The following SLC44A1 variants were observed in gnomAD, a reference collection of about 807,000 sequenced individuals.
SLC44A1 encodes choline transporter-like protein 1.
In SLC44A1, 26 loss-of-function variants were observed where a neutral mutation model predicts 79.3. The observed-to-expected ratio is 0.33, with a 90% confidence interval of 0.24 to 0.46. SLC44A1 has a LOEUF of 0.46. Among genes scored for constraint, SLC44A1 ranks in the 20% least tolerant of loss-of-function variants. SLC44A1 has a pLI of 1.00. For synonymous variants in SLC44A1, 263 were observed against 286.2 expected (o/e 0.92, Z 0.82); for missense variants, 688 against 798.1 (o/e 0.86, Z 1.66).
At chr9:105,436,405 A>T (rs1238751819) in intron 15 of SLC44A1, among the ~76,000 whole-genome samples, 1 of 152,108 alleles carries the variant, frequency 6.6e-6, no homozygotes, top group Non-Finnish European at 1.5e-5. Flanking sequence ...TGAAACTGCA[A>T]GTCAAAGTAT....
At chr9:105,323,486 G>T (rs1306825044) in intron 3 of SLC44A1, among the ~76,000 whole-genome samples, 1 of 152,146 alleles carries the variant, frequency 6.6e-6, no homozygotes, top group African/African-American at 2.4e-5. Context: ...AATAATAGCA[G>T]TACTTCCTTG....
chr9:105,270,980 G>A (rs1830063607), intron 1 of SLC44A1, among the ~76,000 whole-genome samples: 1 of 152,220 alleles, frequency 6.6e-6, no homozygotes, highest in Non-Finnish European at 1.5e-5. Flanking sequence ...CTAGGGTTAA[G>A]TGCTTAATCT....
chr9:105,252,195 T>TGATA (rs1829604094), intron 1 of SLC44A1, among the ~76,000 whole-genome samples: 1 of 152,222 alleles, frequency 6.6e-6, no homozygotes, highest in Non-Finnish European at 1.5e-5. Flanking sequence ...AGAGGCCTTA[T>TGATA]GGCCTGCAAG....
Position 105,356,271 on chromosome 9 carries a change from T to G in SLC44A1, c.560T>G (p.Phe187Cys), listed in dbSNP as rs1013330634. ...GTGAACATTTCCTGCTATGCCAAGT[T>G]TGCAGAGGCCCTGATCACCTTTGTC... ...APVNISCYAK[F>C]AEALITFVSD... is the part of the protein sequence containing the mutation. Residue 187 changes from phenylalanine to cysteine, a missense_variant, in exon 6 of 16, where the codon TTT (phenylalanine) becomes TGT (cysteine). By Grantham distance (205) the Phe-to-Cys change is radical. Transcript: ENST00000374720. The G allele has an allele frequency of 3.1e-6, 5 of 1,613,764 alleles. No homozygotes were observed.
Position 105,393,374 on chromosome 9 carries a change from C to G in SLC44A1, c.*4318C>G, listed in dbSNP as rs1828809146. 1.0e-6 allele frequency: 1 copy of G among 985,044 alleles called. No individual in the cohort carries two copies. Among genetic ancestry groups the G allele is most frequent in the Non-Finnish European group, 1.2e-6 (1 of 829,712 alleles). The allele number at this position is 985,044 out of a possible 1,614,324, so 61.0% of individuals were successfully genotyped here. On this transcript the variant is annotated 3_prime_UTR_variant, in exon 16 of 16. Coordinates refer to ENST00000374720, the MANE Select transcript of SLC44A1 (RefSeq NM_080546.5). The stretch of plus-strand genomic sequence containing the variant: ...ACCCTTGAATATGCCAAGAGAAAAT[C>G]TAAAGCTAGCAAACTTAAAAAACAA...
At chr9:105,249,546 C>A (rs576177750) in intron 1 of SLC44A1, among the ~76,000 whole-genome samples, 1 of 148,848 alleles carries the variant, frequency 6.7e-6, no homozygotes, top group African/African-American at 2.5e-5. Context: ...TTTTTTGAGC[C>A]AGAGTTTGGC....
rs1829284041 is a variant in SLC44A1, at chr9:105,423,630, T to C, written c.1951-14651T>C. Among the ~76,000 whole-genome samples the C allele has an allele frequency of 2.0e-5, 3 of 152,204 alleles. No homozygotes were observed. The South Asian group carries it at 6.2e-4, about 31-fold the overall frequency. On this transcript the variant is annotated intron_variant, in intron 15 of 15. Coordinates refer to the SLC44A1 transcript ENST00000374724. ...GAATACCCAACAATAGAGAATCAGG[T>C]GAATGAATTATAATACATCTAAACC...
At chr9:105,370,852 T>C (rs1290816530) in intron 12 of SLC44A1, among the ~76,000 whole-genome samples, 2 of 152,150 alleles carry the variant, frequency 1.3e-5, no homozygotes, top group African/African-American at 4.8e-5. Context: ...TAGTACCTAG[T>C]TGATTTAAAT....
At chr9:105,311,619 C>A (rs1183147046) in intron 3 of SLC44A1, among the ~76,000 whole-genome samples, 1 of 152,158 alleles carries the variant, frequency 6.6e-6, no homozygotes, top group Admixed American at 6.5e-5. Context: ...GGTCACTATT[C>A]CCTGAATGTT....
intron 14 of SLC44A1, among the ~76,000 whole-genome samples, chr9:105,385,150 C>T (rs1446348576): frequency 6.6e-6 from 1 of 152,150 alleles, no homozygotes; most frequent in Non-Finnish European, 1.5e-5. Context: ...GGTATTTTCT[C>T]TTCCAGGTAG....
intron 1 of SLC44A1, among the ~76,000 whole-genome samples, chr9:105,246,462 AT>A (rs1829454402): frequency 6.8e-6 from 1 of 147,800 alleles, no homozygotes; most frequent in Non-Finnish European, 1.5e-5. Context: ...GTAGTTAAAG[AT>A]TCCTATTCAG....
At chr9:105,300,505 T>C (rs972869558) in intron 2 of SLC44A1, among the ~76,000 whole-genome samples, 1 of 152,148 alleles carries the variant, frequency 6.6e-6, no homozygotes, top group South Asian at 2.1e-4. Context: ...TCTTGGCTAA[T>C]AGGCACAATT....
At position 105,393,318 on chromosome 9, in the gene SLC44A1, T is replaced by C. The variant is rs907142411; in HGVS notation, c.*4262T>C. On this transcript the variant is annotated 3_prime_UTR_variant, in exon 16 of 16. Transcript: ENST00000374720. ...AATTAACTCATCTTTGTTAACTTAG[T>C]GGCACATAGTCCAAATTTTTAAAAA... is the stretch of plus-strand genomic sequence containing the variant. 2.4e-5 allele frequency: 24 copies of C among 985,320 alleles called. No individual in the cohort carries two copies. Among genetic ancestry groups the C allele is most frequent in the Middle Eastern group, 1.0e-3 (2 of 1,934 alleles). 61.0% of individuals were successfully genotyped at this position (985,320 alleles called of 1,614,324 possible).
At chr9:105,341,966 A>G (rs1827106562) in intron 4 of SLC44A1, among the ~76,000 whole-genome samples, 1 of 152,172 alleles carries the variant, frequency 6.6e-6, no homozygotes, top group Admixed American at 6.5e-5. Context: ...CTTATGCCCT[A>G]CAGAGAAAAC....
intron 4 of SLC44A1, among the ~76,000 whole-genome samples, chr9:105,341,077 A>G (rs1827072451): frequency 6.6e-6 from 1 of 152,224 alleles, no homozygotes; most frequent in African/African-American, 2.4e-5. Flanking sequence ...GCTCACACCT[A>G]TAATCCCAGC....
At chr9:105,254,097 T>C (rs1040369989) in intron 1 of SLC44A1, among the ~76,000 whole-genome samples, 1 of 152,162 alleles carries the variant, frequency 6.6e-6, no homozygotes, top group Non-Finnish European at 1.5e-5. Context: ...GCTAAAACAT[T>C]AAGGAAAATT....
chr9:105,395,662 G>A lies in SLC44A1; in HGVS notation c.*6606G>A. ...TTGTCACAGAAGTGTAAGACTTAAAGGGAATATTCTGACCTTCGTGTATGA... is the reference window on the plus strand; with the variant it reads ...TTGTCACAGAAGTGTAAGACTTAAAAGGAATATTCTGACCTTCGTGTATGA... On this transcript the variant is annotated 3_prime_UTR_variant, in exon 16 of 16. Transcript: ENST00000374720. The A allele has an allele frequency of 1.0e-6, 1 of 985,378 alleles. No individual in the cohort carries two copies. Among genetic ancestry groups the A allele is most frequent in the Non-Finnish European group, 1.2e-6 (1 of 829,924 alleles). 61.0% of individuals were successfully genotyped at this position (985,378 alleles called of 1,614,324 possible).
chr9:105,397,302 T>C lies in SLC44A1; in HGVS notation c.*8246T>C, dbSNP rs1005475418. 3.1e-6 allele frequency: 3 copies of C among 979,318 alleles called. No individual in the cohort carries two copies. In the African/African-American group the frequency reaches 5.3e-5, roughly 17 times the overall value. 60.7% of individuals were successfully genotyped at this position (979,318 alleles called of 1,614,324 possible). ...GAAAACTGTATTTTAGTCTAACAAA[T>C]GTATAGAATTTTTTATGTAATAAAT... is the stretch of plus-strand genomic sequence containing the variant. On this transcript the variant is annotated 3_prime_UTR_variant, in exon 16 of 16. Transcript: ENST00000374720.
chr9:105,250,629 G>A (rs1053869656), intron 1 of SLC44A1, among the ~76,000 whole-genome samples: 8 of 152,146 alleles, frequency 5.3e-5, no homozygotes, highest in Non-Finnish European at 8.8e-5. Context: ...AGTAGACTGA[G>A]GTCAGAGAGA....
Sources: allele counts gnomAD v4.1 joint callset (sites outside exome capture counted in the v4.1 genomes callset), GRCh38; gene constraint gnomAD v4.1.1; transcripts MANE v1.5; gene names NCBI Gene and HGNC (gene_info 2026-07-23, HGNC 2026-07-21).